KCNIP4: variants seen among roughly 807,000 people sequenced by gnomAD.
The protein encoded by KCNIP4 is Kv channel-interacting protein 4.
A neutral mutation model predicts 34.0 loss-of-function variants in KCNIP4; 12 were observed. That is an observed-to-expected ratio of 0.35 (90% CI 0.23 to 0.57). The LOEUF (loss-of-function observed/expected upper bound fraction) is 0.57, where lower values mean the gene tolerates loss of function less well. Ranked by LOEUF, KCNIP4 falls within the 20% of genes least tolerant of loss-of-function variation. The pLI is 0.83. For synonymous variants in KCNIP4, 124 were observed against 102.2 expected (o/e 1.21, Z -1.29); for missense variants, 238 against 311.7 (o/e 0.76, Z 1.78).
At chr4:21,063,144 A>T (rs1744070809) in intron 1 of KCNIP4, among the ~76,000 whole-genome samples, 1 of 152,092 alleles carries the variant, frequency 6.6e-6, no homozygotes, top group South Asian at 2.1e-4. Context: ...AGAGGCAGGG[A>T]ACAGCTCCCT....
At chr4:21,153,691 C>A (rs893854663) in intron 1 of KCNIP4, among the ~76,000 whole-genome samples, 1 of 151,960 alleles carries the variant, frequency 6.6e-6, no homozygotes, top group Non-Finnish European at 1.5e-5. Context: ...CTTCCTAGAA[C>A]CTTTGGAATT....
intron 3 of KCNIP4, among the ~76,000 whole-genome samples, chr4:20,786,353 G>A (rs1394701598): frequency 2.6e-5 from 4 of 152,150 alleles, no homozygotes; most frequent in African/African-American, 9.7e-5. Flanking sequence ...ACTATGCTCA[G>A]TGTCTAGGTG....
chr4:20,793,287 A>G (rs1225057300), intron 3 of KCNIP4, among the ~76,000 whole-genome samples: 1 of 152,140 alleles, frequency 6.6e-6, no homozygotes, highest in Non-Finnish European at 1.5e-5. Context: ...AATGAATCTC[A>G]AAGGATTAAG....
intron 1 of KCNIP4, among the ~76,000 whole-genome samples, chr4:21,735,809 C>G (rs777594069): frequency 1.3e-5 from 2 of 152,134 alleles, no homozygotes; most frequent in Non-Finnish European, 2.9e-5. Flanking sequence ...CTAGAAACAC[C>G]TTTGAAGTTA....
chr4:21,109,590 C>T (rs1748962095), intron 1 of KCNIP4, among the ~76,000 whole-genome samples: 1 of 152,228 alleles, frequency 6.6e-6, no homozygotes, highest in Non-Finnish European at 1.5e-5. Context: ...TTGGCTCGCG[C>T]ATGGTGCGCT....
chr4:21,355,019 G>A (rs1718425686), intron 1 of KCNIP4, among the ~76,000 whole-genome samples: 1 of 152,126 alleles, frequency 6.6e-6, no homozygotes, highest in African/African-American at 2.4e-5. Flanking sequence ...CAACTACATG[G>A]AAACTGAACA....
At chr4:21,111,122 T>C (rs557102732) in intron 1 of KCNIP4, among the ~76,000 whole-genome samples, 1 of 152,312 alleles carries the variant, frequency 6.6e-6, no homozygotes, top group Non-Finnish European at 1.5e-5. Context: ...TGAGAAATAT[T>C]GAATAAAATC....
At chr4:21,751,617 A>G (rs921981621) in intron 1 of KCNIP4, among the ~76,000 whole-genome samples, 6 of 152,172 alleles carry the variant, frequency 3.9e-5, no homozygotes, top group African/African-American at 1.4e-4. Flanking sequence ...AAATTTTCAT[A>G]ATAACAAGCT....
At chr4:21,528,961 G>C (rs999413809) in intron 1 of KCNIP4, among the ~76,000 whole-genome samples, 1 of 152,028 alleles carries the variant, frequency 6.6e-6, no homozygotes, top group Non-Finnish European at 1.5e-5. Flanking sequence ...ATGGCTTTCG[G>C]CCAATGAAAA....
At chr4:21,343,228 A>C (rs1166084860) in intron 1 of KCNIP4, among the ~76,000 whole-genome samples, 2 of 152,184 alleles carry the variant, frequency 1.3e-5, no homozygotes, top group East Asian at 3.9e-4. Flanking sequence ...GTCAATAAAA[A>C]TGTACATAAT....
At chr4:21,627,296 A>G (rs946014758) in intron 1 of KCNIP4, among the ~76,000 whole-genome samples, 1 of 152,182 alleles carries the variant, frequency 6.6e-6, no homozygotes, top group African/African-American at 2.4e-5. Flanking sequence ...ATTATAAACT[A>G]TGGTTTGGTT....
At chr4:21,882,395 G>GA (rs1482765618) in intron 1 of KCNIP4, among the ~76,000 whole-genome samples, 1 of 151,998 alleles carries the variant, frequency 6.6e-6, no homozygotes, top group East Asian at 1.9e-4. Context: ...AGAAGACAGC[G>GA]AAAAAAGCAT....
At chr4:21,289,964 T>C (rs1295964445) in intron 1 of KCNIP4, among the ~76,000 whole-genome samples, 4 of 152,056 alleles carry the variant, frequency 2.6e-5, no homozygotes, top group African/African-American at 9.7e-5. Context: ...TGGAGTGAAA[T>C]GGTTTGTCCC....
At chr4:20,898,600 T>G (rs1016787702) in intron 1 of KCNIP4, among the ~76,000 whole-genome samples, 2 of 152,234 alleles carry the variant, frequency 1.3e-5, no homozygotes, top group Admixed American at 6.5e-5. Context: ...CTCCACCAGA[T>G]AGTAAATTCC....
chr4:21,266,411 A>T (rs935736536), intron 1 of KCNIP4, among the ~76,000 whole-genome samples: 1 of 151,542 alleles, frequency 6.6e-6, no homozygotes, highest in Non-Finnish European at 1.5e-5. Flanking sequence ...ACAAAAAAAA[A>T]CATGAAAATA....
intron 1 of KCNIP4, among the ~76,000 whole-genome samples, chr4:21,308,176 GA>G (rs1712698142): frequency 6.6e-6 from 1 of 152,160 alleles, no homozygotes; most frequent in Non-Finnish European, 1.5e-5. Context: ...GCATCCAACA[GA>G]AAGAGGAAAC....
At chr4:20,910,108 T>C (rs1184182198) in intron 1 of KCNIP4, among the ~76,000 whole-genome samples, 1 of 152,198 alleles carries the variant, frequency 6.6e-6, no homozygotes, top group African/African-American at 2.4e-5. Flanking sequence ...GATCCAGACC[T>C]GATGCGTATC....
At chr4:21,535,856 C>T (rs1341329358) in intron 1 of KCNIP4, among the ~76,000 whole-genome samples, 1 of 151,920 alleles carries the variant, frequency 6.6e-6, no homozygotes, top group African/African-American at 2.4e-5. Flanking sequence ...ATCAACAATC[C>T]CTAAAGGGCT....
chr4:21,139,481 C>G (rs1295357662), intron 1 of KCNIP4, among the ~76,000 whole-genome samples: 1 of 152,150 alleles, frequency 6.6e-6, no homozygotes, highest in African/African-American at 2.4e-5. Flanking sequence ...GGACTTTGCC[C>G]AGTTTGCTCA....
Sources: allele counts gnomAD v4.1 joint callset (sites outside exome capture counted in the v4.1 genomes callset), GRCh38; gene constraint gnomAD v4.1.1; transcripts MANE v1.5; gene names NCBI Gene and HGNC (gene_info 2026-07-23, HGNC 2026-07-21).